The following TEX2 variants were observed in gnomAD, a reference collection of about 807,000 sequenced individuals.
The protein encoded by TEX2 is testis-expressed protein 2.
A neutral mutation model predicts 106.9 loss-of-function variants in TEX2; 53 were observed. The ratio of observed to expected loss-of-function variants is 0.50; its 90% CI spans 0.40 to 0.62. The LOEUF (loss-of-function observed/expected upper bound fraction) is 0.62. Ranked by LOEUF, TEX2 falls within the 20% of genes least tolerant of loss-of-function variation. TEX2 has a pLI of 0.00. For synonymous variants in TEX2, 523 were observed against 534.8 expected, an observed-to-expected ratio of 0.98 and a Z score of 0.30; for missense variants, 1,207 against 1,379.0, an observed-to-expected ratio of 0.88 and a Z score of 1.98.
At chr17:64,194,814 TA>T (rs1174647992) in intron 3 of TEX2, 80 bp downstream of exon 3, 7 of 1,381,848 alleles carry the variant, frequency 5.1e-6, no homozygotes, top group Non-Finnish European at 6.2e-6. Context: ...TTTTAGGGTA[TA>T]AAAAAATGCA....
intron 1 of TEX2, among the ~76,000 whole-genome samples, chr17:64,254,573 T>C (rs578010603): frequency 5.9e-5 from 9 of 152,376 alleles, no homozygotes; most frequent in African/African-American, 9.6e-5. Flanking sequence ...ACAGAGGCAC[T>C]GCTACAGGGT....
chr17:64,183,426 C>A (rs1404783759), intron 5 of TEX2, among the ~76,000 whole-genome samples: 1 of 151,864 alleles, frequency 6.6e-6, no homozygotes, highest in African/African-American at 2.4e-5. Flanking sequence ...ACTCCAATTT[C>A]TTTCTTTCTT....
chr17:64,253,954 T>G (rs2034138801), intron 1 of TEX2, among the ~76,000 whole-genome samples: 1 of 152,182 alleles, frequency 6.6e-6, no homozygotes, highest in Non-Finnish European at 1.5e-5. Flanking sequence ...CAGCTCATGC[T>G]CTCTGCGTCT....
chr17:64,228,176 T>C (rs1313234062), intron 1 of TEX2, among the ~76,000 whole-genome samples: 2 of 152,094 alleles, frequency 1.3e-5, no homozygotes, highest in Non-Finnish European at 2.9e-5. Flanking sequence ...ATATATAATT[T>C]CAAACTCATT....
At chr17:64,207,233 G>A (rs953014238) in intron 2 of TEX2, among the ~76,000 whole-genome samples, 2 of 152,182 alleles carry the variant, frequency 1.3e-5, no homozygotes, top group Admixed American at 6.5e-5. Flanking sequence ...GGACCCATCA[G>A]TGAGAACTTA....
chr17:64,198,192 T>G (rs1431853845), intron 2 of TEX2, among the ~76,000 whole-genome samples: 2 of 151,974 alleles, frequency 1.3e-5, no homozygotes, highest in African/African-American at 2.4e-5. Flanking sequence ...AGTAGGGTTT[T>G]CTATAAATAT....
chr17:64,194,501 CAA>C (rs924246086), intron 3 of TEX2, among the ~76,000 whole-genome samples: 113 of 143,556 alleles, frequency 7.9e-4, no homozygotes, highest in African/African-American at 2.8e-3. Context: ...TGCACATGTA[CAA>C]AGACTTCAAT....
intron 1 of TEX2, among the ~76,000 whole-genome samples, chr17:64,251,077 T>G (rs1365799920): frequency 2.0e-5 from 3 of 152,170 alleles, no homozygotes; most frequent in Non-Finnish European, 4.4e-5. Context: ...GGATTTTCCT[T>G]TGGGGCTAGG....
Position 64,188,357 on chromosome 17 carries a change from G to A in TEX2, c.2235C>T (p.Arg745=), listed in dbSNP as rs1477095424. Residue 745 remains arginine (R), a synonymous_variant, in exon 5 of 12, where the codon CGC becomes CGT. Coordinates refer to ENST00000584379, the MANE Select transcript of TEX2 (RefSeq NM_001288732.2). ...CCTCCACACTGCCTTTGCTGCTGCT[G>A]CGGCTGTGGGTCAGGTGCCCGGACG... ...NSPSGHLTHS[R]SSSKGSVEEI... The A allele has an allele frequency of 6.2e-7, 1 of 1,614,218 alleles. No individual in the cohort carries two copies. The highest frequency in any genetic ancestry group is 8.5e-7 in the Non-Finnish European group (1 of 1,180,034).
chr17:64,215,987 A>G (rs1275821978), intron 1 of TEX2, among the ~76,000 whole-genome samples: 1 of 152,228 alleles, frequency 6.6e-6, no homozygotes, highest in African/African-American at 2.4e-5. Context: ...CCCAGCTGCA[A>G]CATGGACTCA....
chr17:64,177,383 T>C lies in TEX2; in HGVS notation c.2513A>G (p.Glu838Gly), dbSNP rs1454304526. The C allele has an allele frequency of 1.2e-6, 2 of 1,614,192 alleles. No homozygotes were observed. Among genetic ancestry groups the C allele is most frequent in the Admixed American group, 3.3e-5 (2 of 60,030 alleles). Residue 838 changes from glutamate to glycine, a missense_variant, in exon 6 of 12, where the codon GAG becomes GGG. Physicochemically the swap from Glu to Gly is moderately conservative, Grantham distance 98. This residue lies in a region of TEX2 where 1,067 missense variants were observed against 1,193.6 expected (regional missense o/e 0.89). Coordinates refer to ENST00000584379, the MANE Select transcript of TEX2 (RefSeq NM_001288732.2). ...LGRIFWDFLG[E>G]KYWSDLVSKK... ...AGACACCAGATCAGACCAGTATTTC[T>C]CTCCTAAGAAGTCCCAAAATATTCT...
At position 64,225,692 on chromosome 17, in the gene TEX2, T is replaced by TTTTTC. The variant is rs201880292; in HGVS notation, c.-25-11455_-25-11451dup. Among the ~76,000 whole-genome samples the TTTTTC allele has an allele frequency of 1.3e-4, 20 of 150,396 alleles. No individual in the cohort carries two copies. In the South Asian group the frequency reaches 3.5e-3, roughly 27 times the overall value. ...GTGGCTGTGGTCACAAAACAACACA[T>TTTTTC]TTTTCTTTTCTTTTCTTTTTTTTTG... On this transcript the variant is annotated intron_variant, in intron 1 of 11. Transcript: ENST00000584379.
chr17:64,189,787 G>A (rs1319814132), intron 4 of TEX2, among the ~76,000 whole-genome samples: 1 of 152,034 alleles, frequency 6.6e-6, no homozygotes, highest in African/African-American at 2.4e-5. Flanking sequence ...TTCGAGACCA[G>A]CCTGGCCGAC....
chr17:64,229,659 T>G lies in TEX2; in HGVS notation c.-25-15417A>C, dbSNP rs555673577. Reference sequence around the variant, plus strand: ...AAATCTTTTTAGAAAACGCTGACAATAGTGTATATAACACACATAACACAC... The same window carrying G: ...AAATCTTTTTAGAAAACGCTGACAAGAGTGTATATAACACACATAACACAC... On this transcript the variant is annotated intron_variant, in intron 1 of 11. Transcript: ENST00000584379. Among the ~76,000 whole-genome samples the G allele has an allele frequency of 6.6e-5, 10 of 152,296 alleles. No homozygotes were observed. In the South Asian group the frequency reaches 2.1e-3, roughly 32 times the overall value.
At position 64,214,123 on chromosome 17, in the gene TEX2, T is replaced by C. The variant is rs1555632254; in HGVS notation, c.95A>G (p.Asp32Gly). 20 of 1,614,172 alleles carry C rather than the reference T, an allele frequency of 1.2e-5. No homozygotes were observed. Among genetic ancestry groups the C allele is most frequent in the Non-Finnish European group, 1.7e-5 (20 of 1,180,032 alleles). ...TGCCGAGAAGTGAATGGCGATGGTA[T>C]CTCGGGACACGGACCTCTGCACGTG... is the stretch of plus-strand genomic sequence containing the variant. ...KVHVQRSVSR[D>G]TIAIHFSASG... The change falls in exon 2 of 12, where the codon GAT becomes GGT. Residue 32 changes from aspartate (D) to glycine (G), a missense_variant. By Grantham distance (94) the Asp-to-Gly change is moderately conservative (BLOSUM62 -1). Coordinates refer to ENST00000584379, the MANE Select transcript of TEX2 (RefSeq NM_001288732.2).
intron 8 of TEX2, chr17:64,155,699 A>T (rs4968694): frequency 6.6e-6 from 1 of 151,904 alleles, no homozygotes; most frequent in African/African-American, 2.4e-5. Flanking sequence ...GGAAAGCCTC[A>T]TGGGACAGCA....
In TEX2 at chr17:64,205,246, G is replaced by T. The variant is rs746590528; in HGVS notation, c.1644+7328C>A. ...GCAGGAGAATTGCCTGAACCCGGGA[G>T]GCAGAGGTTGCAGTGAGCCAAGATT... On this transcript the variant is annotated intron_variant, in intron 2 of 11. Coordinates refer to ENST00000584379, the MANE Select transcript of TEX2 (RefSeq NM_001288732.2). This position sits in a 1 kb window ranked among gnomAD's most constrained non-coding sequence, Gnocchi z 4.0. Among the ~76,000 whole-genome samples, 1 of 152,162 alleles carries T rather than the reference G, an allele frequency of 6.6e-6. No homozygotes were observed. Among genetic ancestry groups the T allele is most frequent in the Non-Finnish European group, 1.5e-5 (1 of 68,038 alleles).
Position 64,223,918 on chromosome 17 carries a change from T to G in TEX2, c.-25-9676A>C, listed in dbSNP as rs543858838. ...TTTTAGTAGAGACGGGGTTTTACCA[T>G]GTTGGCCAGGAGGCCGAGGCAGGTA... On this transcript the variant is annotated intron_variant, in intron 1 of 11. Transcript: ENST00000584379. 7.3e-4 allele frequency among the ~76,000 whole-genome samples: 111 copies of G among 152,272 alleles called. 1 individual carries two copies. Among genetic ancestry groups the G allele is most frequent in the Non-Finnish European group, 7.8e-4 (53 of 68,016 alleles).
chr17:64,258,816 G>C (rs1390453488), intron 1 of TEX2, among the ~76,000 whole-genome samples: 1 of 150,988 alleles, frequency 6.6e-6, no homozygotes, highest in African/African-American at 2.4e-5. Flanking sequence ...CTGGAGTGCA[G>C]TGGTGCGATC....
Sources: gnomAD v4.1 joint callset for allele counts (sites outside exome capture counted in the v4.1 genomes callset) on GRCh38, gnomAD v4.1.1 for gene constraint, gnomAD v4.1.1 regional missense constraint, Gnocchi (gnomAD v3.1) non-coding constraint, MANE v1.5 for transcripts, NCBI Gene and HGNC (gene_info 2026-07-23, HGNC 2026-07-21) for gene names.